The following SYT6 variants were observed in gnomAD, a reference collection of about 807,000 sequenced individuals.
SYT6 encodes synaptotagmin 6.
Under a neutral mutation model 38.4 loss-of-function variants are expected in SYT6, and 24 were observed. The observed-to-expected ratio is 0.62, with a 90% CI of 0.45 to 0.88. The LOEUF is 0.88. Among genes scored for constraint, SYT6 ranks in the 40% least tolerant of loss-of-function variants. SYT6 has a pLI of 0.00. For missense variants in SYT6, 611 were observed against 621.0 expected, an observed-to-expected ratio of 0.98 and a Z score of 0.17; for synonymous variants, 265 against 241.9, an observed-to-expected ratio of 1.10 and a Z score of -0.89.
At chr1:114,146,824 A>G (rs1679180395) in intron 1 of SYT6, among the ~76,000 whole-genome samples, 2 of 152,238 alleles carry the variant, frequency 1.3e-5, no homozygotes, top group African/African-American at 4.8e-5. Flanking sequence ...CAAACTATGT[A>G]ACACTTCTCA....
intron 4 of SYT6, among the ~76,000 whole-genome samples, chr1:114,100,139 C>G (rs1283910127): frequency 1.3e-5 from 2 of 152,182 alleles, no homozygotes; most frequent in Admixed American, 6.5e-5. Flanking sequence ...AAATTTTCTA[C>G]TCACCCAAGT....
At chr1:114,138,087 G>A (rs1433266799) in intron 2 of SYT6, 34 bp from the exon 3 acceptor site, 1 of 1,590,790 alleles carries the variant, frequency 6.3e-7, no homozygotes, top group East Asian at 2.3e-5. Flanking sequence ...GAGGGAGTGT[G>A]GTCAGGGCTC....
intron 3 of SYT6, among the ~76,000 whole-genome samples, chr1:114,131,768 T>C (rs1678173023): frequency 6.6e-6 from 1 of 151,936 alleles, no homozygotes; most frequent in East Asian, 1.9e-4. Flanking sequence ...AAAGAAACAA[T>C]GTCAAACCCA....
intron 4 of SYT6, among the ~76,000 whole-genome samples, chr1:114,101,546 C>T (rs1471571101): frequency 6.6e-6 from 1 of 152,164 alleles, no homozygotes; most frequent in Non-Finnish European, 1.5e-5. Context: ...AGCAGATAGG[C>T]TTAGAGAATT....
chr1:114,115,786 A>G (rs1300327021), intron 3 of SYT6, among the ~76,000 whole-genome samples: 1 of 152,068 alleles, frequency 6.6e-6, no homozygotes, highest in Admixed American at 6.5e-5. Context: ...TCTACATTGT[A>G]CTGAAACTCA....
intron 3 of SYT6, among the ~76,000 whole-genome samples, chr1:114,132,620 C>G (rs768394758): frequency 6.6e-6 from 1 of 152,114 alleles, no homozygotes; most frequent in Non-Finnish European, 1.5e-5. Flanking sequence ...ATGGCATAGC[C>G]AAGACAAGAA....
chr1:114,116,337 C>A (rs1329041449), intron 3 of SYT6, among the ~76,000 whole-genome samples: 1 of 152,162 alleles, frequency 6.6e-6, no homozygotes, highest in East Asian at 1.9e-4. Flanking sequence ...TTCTTGTCCC[C>A]AACGCGGCAG....
At position 114,089,389 on chromosome 1, in the gene SYT6, C is replaced by T. The variant is rs1482513247; in HGVS notation, c.*2745G>A. 6.6e-6 allele frequency: 1 copy of T among 152,664 alleles called. No homozygotes were observed. The allele number at this position is 152,664 out of a possible 1,614,324, so 9.5% of individuals were successfully genotyped here. On this transcript the variant is annotated 3_prime_UTR_variant, in exon 8 of 8. Coordinates refer to ENST00000610222, the MANE Select transcript of SYT6 (RefSeq NM_001253772.2). ...ATTAACAACATAATATTTTAAATGA[C>T]AGTGCAATTAATTAACGTCCTGGGT...
chr1:114,116,232 T>C (rs1160591328), intron 3 of SYT6, among the ~76,000 whole-genome samples: 2 of 152,124 alleles, frequency 1.3e-5, no homozygotes, highest in Admixed American at 6.5e-5. Context: ...AGTCATTCTC[T>C]CACCAAGTGC....
chr1:114,131,837 C>A (rs1042995030), intron 3 of SYT6, among the ~76,000 whole-genome samples: 1 of 152,196 alleles, frequency 6.6e-6, no homozygotes, highest in Non-Finnish European at 1.5e-5. Context: ...GCACCAAACC[C>A]ACTCCCAGAA....
chr1:114,139,511 T>G, intron 2 of SYT6, 104 bp downstream of exon 2: 2 of 1,473,222 alleles, frequency 1.4e-6, no homozygotes, highest in Non-Finnish European at 1.8e-6. Context: ...AAAGGATATG[T>G]GTTATTATTT....
intron 3 of SYT6, among the ~76,000 whole-genome samples, chr1:114,128,347 A>G (rs2774307): frequency 0.83 from 125,806 of 152,248 alleles, 52,336 homozygotes; most frequent in South Asian, 0.92. Flanking sequence ...TGGAAAGGGT[A>G]GTCTTGGCCT....
At chr1:114,115,144 T>G (rs1676919792) in intron 3 of SYT6, among the ~76,000 whole-genome samples, 1 of 152,214 alleles carries the variant, frequency 6.6e-6, no homozygotes, top group South Asian at 2.1e-4. Context: ...CACTTGGAAC[T>G]AATCAGAAAC....
intron 3 of SYT6, among the ~76,000 whole-genome samples, chr1:114,115,448 G>A (rs889324261): frequency 2.0e-5 from 3 of 146,940 alleles, no homozygotes; most frequent in East Asian, 2.0e-4. Flanking sequence ...TGAGTGTCTC[G>A]CTCTGTCGCC....
chr1:114,099,307 A>T (rs1428900948), intron 4 of SYT6, 42 bp from the exon 5 acceptor site: 1 of 1,569,172 alleles, frequency 6.4e-7, no homozygotes, highest in Non-Finnish European at 8.7e-7. Flanking sequence ...GAGTATGTTA[A>T]ACAGATGTCT....
chr1:114,111,560 C>T (rs1216194977), intron 3 of SYT6, among the ~76,000 whole-genome samples: 1 of 152,204 alleles, frequency 6.6e-6, no homozygotes. Context: ...TCCCTCTGAC[C>T]ATCCTGGACA....
At chr1:114,148,973 G>C (rs970938311) in intron 1 of SYT6, among the ~76,000 whole-genome samples, 4 of 152,066 alleles carry the variant, frequency 2.6e-5, no homozygotes, top group Non-Finnish European at 4.4e-5. Flanking sequence ...TTGGAGTGGG[G>C]GCAGGCATTT....
At position 114,137,692 on chromosome 1, in the gene SYT6, G is replaced by T; in HGVS notation, c.874C>A (p.Pro292Thr). 6.2e-7 allele frequency: 1 copy of T among 1,613,866 alleles called. No homozygotes were observed. The highest frequency in any genetic ancestry group is 8.5e-7 in the Non-Finnish European group (1 of 1,179,788). Reference protein sequence around the residue: ...QTRVHRKTLNPTFDENFHFPV... With the variant: ...QTRVHRKTLNTTFDENFHFPV... ...AAGTGGAAGTTCTCATCAAAGGTGGGGTTCAGGGTCTTGCGGTGCACCCGG... is the reference window on the plus strand; with the variant it reads ...AAGTGGAAGTTCTCATCAAAGGTGGTGTTCAGGGTCTTGCGGTGCACCCGG... Residue 292 changes from proline to threonine, a missense_variant, in exon 3 of 8, where the codon CCC (proline) becomes ACC (threonine). Coordinates refer to ENST00000610222, the MANE Select transcript of SYT6 (RefSeq NM_001253772.2).
chr1:114,095,197 C>T (rs1294633096), intron 6 of SYT6, among the ~76,000 whole-genome samples: 1 of 152,168 alleles, frequency 6.6e-6, no homozygotes, highest in Non-Finnish European at 1.5e-5. Context: ...AATTTATTCT[C>T]TTTTTGTTTT....
Sources: gnomAD v4.1 joint callset for allele counts (sites outside exome capture counted in the v4.1 genomes callset) on GRCh38, gnomAD v4.1.1 for gene constraint, MANE v1.5 for transcripts, NCBI Gene and HGNC (gene_info 2026-07-23, HGNC 2026-07-21) for gene names.